The following LRRC37A2 variants were observed in gnomAD, a reference collection of about 807,000 sequenced individuals.
LRRC37A2 encodes leucine-rich repeat-containing protein 37A2.
A neutral mutation model predicts 68.8 loss-of-function variants in LRRC37A2; 9 were observed. The ratio of observed to expected loss-of-function variants is 0.13; its 90% confidence interval spans 0.08 to 0.23. The LOEUF (loss-of-function observed/expected upper bound fraction) is 0.23, where lower values mean the gene tolerates loss of function less well. LRRC37A2 is among the 10% of genes least tolerant of loss of function. LRRC37A2 has a pLI of 1.00. For missense variants in LRRC37A2, 168 were observed against 950.4 expected, an observed-to-expected ratio of 0.18 and a Z score of 10.82; for synonymous variants, 63 against 367.6, an observed-to-expected ratio of 0.17 and a Z score of 9.48.
At chr17:46,543,535 G>C (rs1228644344) in intron 8 of LRRC37A2, among the ~76,000 whole-genome samples, 2 of 150,932 alleles carry the variant, frequency 1.3e-5, no homozygotes, top group Non-Finnish European at 2.9e-5. Context: ...AAGTTCCATT[G>C]AGTGATGATA....
chr17:46,754,459 A>G, the LRRC37A2 span, among the ~76,000 whole-genome samples: 2 of 152,244 alleles, frequency 1.3e-5, no homozygotes, highest in African/African-American at 4.8e-5. Context: ...CTTGGGAAAC[A>G]GACTCCTGCT....
chr17:46,977,202 C>T, the LRRC37A2 span, among the ~76,000 whole-genome samples: 1 of 152,176 alleles, frequency 6.6e-6, no homozygotes, highest in Non-Finnish European at 1.5e-5. Flanking sequence ...TACACGGGAT[C>T]GCATTCCCTT....
the LRRC37A2 span, chr17:46,773,647 C>T: frequency 1.9e-5 from 28 of 1,487,928 alleles, no homozygotes; most frequent in African/African-American, 4.3e-5. Flanking sequence ...CCCTCCCCCC[C>T]CCTCAGCCCC....
the LRRC37A2 span, chr17:46,978,965 C>T: frequency 4.8e-6 from 7 of 1,452,262 alleles, no homozygotes; most frequent in Non-Finnish European, 5.4e-6. Context: ...CCCACGCCGT[C>T]CACCTCCTCC....
At chr17:46,853,266 G>T in the LRRC37A2 span, among the ~76,000 whole-genome samples, 1 of 148,732 alleles carries the variant, frequency 6.7e-6, no homozygotes, top group South Asian at 2.2e-4. Context: ...GTAAAATGAA[G>T]ATTATACTGC....
the LRRC37A2 span, among the ~76,000 whole-genome samples, chr17:46,610,202 A>G: frequency 2.1e-5 from 2 of 95,506 alleles, no homozygotes; most frequent in African/African-American, 4.1e-5. Context: ...CTGGCCTCAA[A>G]TGATTCTCCC....
the LRRC37A2 span, chr17:46,939,017 C>G: frequency 3.0e-6 from 4 of 1,322,814 alleles, no homozygotes; most frequent in Admixed American, 2.8e-5. Context: ...CACTCTCGCT[C>G]TCACTGGGGG....
chr17:46,933,832 C>T, the LRRC37A2 span, among the ~76,000 whole-genome samples: 14 of 151,512 alleles, frequency 9.2e-5, no homozygotes, highest in African/African-American at 2.9e-4. Context: ...GGCGTGGTGG[C>T]GTGAGCCTGT....
chr17:46,475,328 T>C, the LRRC37A2 span: 3 of 779,616 alleles, frequency 3.8e-6, no homozygotes, highest in East Asian at 5.3e-5. Flanking sequence ...TGTCCAAAAT[T>C]GATGGCATGG....
chr17:46,830,168 T>C, the LRRC37A2 span, among the ~76,000 whole-genome samples: 7 of 152,082 alleles, frequency 4.6e-5, no homozygotes, highest in South Asian at 1.5e-3. Flanking sequence ...CACCCACCCC[T>C]ACCTTTGCCT....
chr17:46,980,376 T>C, the LRRC37A2 span, among the ~76,000 whole-genome samples: 1 of 151,186 alleles, frequency 6.6e-6, no homozygotes, highest in Non-Finnish European at 1.5e-5. Context: ...CTCTTCTTCT[T>C]TCTCTTCTTT....
the LRRC37A2 span, among the ~76,000 whole-genome samples, chr17:46,974,144 C>CA: frequency 6.6e-6 from 1 of 152,224 alleles, no homozygotes; most frequent in Non-Finnish European, 1.5e-5. Flanking sequence ...ATCCCCGACT[C>CA]AGAGGACAGG....
chr17:46,937,413 A>T, the LRRC37A2 span: 1 of 152,244 alleles, frequency 6.6e-6, no homozygotes, highest in East Asian at 1.9e-4. Context: ...TTTATAGTAT[A>T]AAATATTCTA....
the LRRC37A2 span, among the ~76,000 whole-genome samples, chr17:46,945,354 G>A: frequency 1.3e-5 from 2 of 152,304 alleles, no homozygotes; most frequent in Admixed American, 6.5e-5. Context: ...GCTGGTGTGG[G>A]TGTGGACAAG....
chr17:46,489,828 T>C, the LRRC37A2 span, among the ~76,000 whole-genome samples: 1 of 150,674 alleles, frequency 6.6e-6, no homozygotes, highest in Non-Finnish European at 1.5e-5. Context: ...CTACTAAGGT[T>C]TACTCAGACC....
chr17:46,857,679 A>G, the LRRC37A2 span, among the ~76,000 whole-genome samples: 1 of 152,044 alleles, frequency 6.6e-6, no homozygotes, highest in Admixed American at 6.6e-5. Context: ...GAGTGGTTTT[A>G]CCATTTTACA....
the LRRC37A2 span, among the ~76,000 whole-genome samples, chr17:46,990,183 G>A: frequency 2.0e-5 from 3 of 152,126 alleles, no homozygotes; most frequent in African/African-American, 4.8e-5. Context: ...ACCTATCTGC[G>A]GCAGAAAGGG....
At chr17:46,890,047 T>A in the LRRC37A2 span, among the ~76,000 whole-genome samples, 1 of 152,192 alleles carries the variant, frequency 6.6e-6, no homozygotes, top group African/African-American at 2.4e-5. Flanking sequence ...ATGCCACCAT[T>A]TCAGCCCGGC....
At chr17:47,019,649 A>T in the LRRC37A2 span, 1 of 1,411,556 alleles carries the variant, frequency 7.1e-7, no homozygotes, top group East Asian at 2.3e-5. Context: ...TAACTGCACC[A>T]GAGGAACAGA....
Sources: allele counts gnomAD v4.1 joint callset (sites outside exome capture counted in the v4.1 genomes callset), GRCh38; gene constraint gnomAD v4.1.1; transcripts MANE v1.5; gene names NCBI Gene and HGNC (gene_info 2026-07-23, HGNC 2026-07-21).